Variants in RIMS1 observed in about 807,000 individuals in gnomAD.
RIMS1 encodes the protein regulating synaptic membrane exocytosis 1, also known as regulating synaptic membrane exocytosis protein 1.
In RIMS1, 83 loss-of-function variants were observed where a neutral mutation model predicts 214.1. The observed-to-expected ratio is 0.39, with a 90% confidence interval of 0.32 to 0.47. RIMS1 has a LOEUF of 0.47. Ranked by LOEUF, RIMS1 falls within the 20% of genes least tolerant of loss-of-function variation. RIMS1 has a pLI of 0.99. For synonymous variants in RIMS1, 793 were observed against 786.8 expected, an observed-to-expected ratio of 1.01 and a Z score of -0.13; for missense variants, 2,050 against 2,161.8, an observed-to-expected ratio of 0.95 and a Z score of 1.03.
At chr6:71,906,481 A>G (rs1350422130) in intron 1 of RIMS1, among the ~76,000 whole-genome samples, 7 of 152,202 alleles carry the variant, frequency 4.6e-5, no homozygotes, top group South Asian at 2.1e-4. Context: ...AATAATTTAA[A>G]TAAAGGTTAC....
chr6:72,391,659 C>T (rs2807521), intron 30 of RIMS1, among the ~76,000 whole-genome samples: 33,812 of 151,900 alleles, frequency 0.22, 4,004 homozygotes, highest in Middle Eastern at 0.3. Context: ...TGTGATATTC[C>T]TTCCCATTCC....
At chr6:72,371,409 T>C (rs1399244074) in intron 29 of RIMS1, among the ~76,000 whole-genome samples, 1 of 152,240 alleles carries the variant, frequency 6.6e-6, no homozygotes, top group Non-Finnish European at 1.5e-5. Flanking sequence ...GTAAGCAAAC[T>C]GTCATCCTGT....
intron 4 of RIMS1, among the ~76,000 whole-genome samples, chr6:72,110,370 T>C (rs2153818986): frequency 6.6e-6 from 1 of 152,154 alleles, no homozygotes; most frequent in South Asian, 2.1e-4. Flanking sequence ...TATCCTCTTT[T>C]ATTTCTTTGA....
rs1192038971 is a variant in RIMS1, at chr6:72,245,842, C to A, written c.2109C>A (p.Ser703=). Residue 703 remains serine (S), a synonymous_variant, in exon 11 of 34, where the codon TCC becomes TCA. Coordinates refer to ENST00000521978, the MANE Select transcript of RIMS1 (RefSeq NM_014989.7). Reference sequence around the variant, plus strand: ...ACATTCCCCGGATTCCTGAGAGCTCCCACCCTCCACTGGAGTCCAGTGAGT... The same window carrying A: ...ACATTCCCCGGATTCCTGAGAGCTCACACCCTCCACTGGAGTCCAGTGAGT... The part of the protein sequence containing the change: ...IGDIPRIPES[S]HPPLESSSSS... 6.2e-7 allele frequency: 1 copy of A among 1,608,008 alleles called. No homozygotes were observed. The highest frequency in any genetic ancestry group is 1.3e-5 in the African/African-American group (1 of 74,846).
chr6:72,391,512 T>TA (rs1179573383), intron 30 of RIMS1, among the ~76,000 whole-genome samples: 1 of 152,218 alleles, frequency 6.6e-6, no homozygotes, highest in African/African-American at 2.4e-5. Context: ...ATTCACCACA[T>TA]ATAAATTTTC....
At chr6:72,242,173 A>C (rs2067245552) in intron 9 of RIMS1, 141 bp from the exon 10 acceptor site, 1 of 636,236 alleles carries the variant, frequency 1.6e-6, no homozygotes, top group South Asian at 2.3e-5. Context: ...ATTATATGGC[A>C]ATCAATTTGC....
intron 27 of RIMS1, among the ~76,000 whole-genome samples, chr6:72,309,347 C>T (rs1329506970): frequency 1.3e-5 from 2 of 152,054 alleles, no homozygotes; most frequent in South Asian, 2.1e-4. Flanking sequence ...TACTCCAGCT[C>T]ACTTATTTAC....
At position 72,182,579 on chromosome 6, in the gene RIMS1, C is replaced by T; in HGVS notation, c.1108C>T (p.Pro370Ser). 6.5e-7 allele frequency: 1 copy of T among 1,549,486 alleles called. No individual in the cohort carries two copies. Among genetic ancestry groups the T allele is most frequent in the Middle Eastern group, 2.2e-4 (1 of 4,460 alleles). Residue 370 changes from proline to serine, a missense_variant, in exon 6 of 34, where the codon CCT (proline) becomes TCT (serine). Physicochemically the swap from Pro to Ser is moderately conservative, Grantham distance 74 (BLOSUM62 -1). Coordinates refer to ENST00000521978, the MANE Select transcript of RIMS1 (RefSeq NM_014989.7). ...NLARYPVKPPPEEQQMRMHAR... is the reference protein window; with the variant it reads ...NLARYPVKPPSEEQQMRMHAR... ...AGCTCGGTACCCGGTGAAACCGCCGCCTGAGGAGCAGCAGATGCGCATGCA... is the reference window on the plus strand; with the variant it reads ...AGCTCGGTACCCGGTGAAACCGCCGTCTGAGGAGCAGCAGATGCGCATGCA...
In RIMS1 at chr6:72,024,246, G is replaced by A. The variant is rs186383952; in HGVS notation, c.245+55183G>A. Among the ~76,000 whole-genome samples the A allele has an allele frequency of 3.3e-3, 495 of 151,932 alleles. 1 individual carries two copies. The highest frequency in any genetic ancestry group is 5.4e-3 in the Non-Finnish European group (364 of 67,926). ...TTCTTTGTTCCTCATTGTAATGTAT[G>A]CCCATCTTCTTCTGTTCCTAGGGTT... On this transcript the variant is annotated intron_variant, in intron 2 of 33. Coordinates refer to ENST00000521978, the MANE Select transcript of RIMS1 (RefSeq NM_014989.7).
chr6:71,987,516 T>C (rs1265030505), intron 2 of RIMS1, among the ~76,000 whole-genome samples: 2 of 152,114 alleles, frequency 1.3e-5, no homozygotes, highest in Non-Finnish European at 2.9e-5. Flanking sequence ...CCCAATACCA[T>C]CCCATTGGGT....
At chr6:72,090,158 C>T (rs1320186751) in intron 2 of RIMS1, among the ~76,000 whole-genome samples, 1 of 152,042 alleles carries the variant, frequency 6.6e-6, no homozygotes, top group East Asian at 1.9e-4. Context: ...TACCCTAAAA[C>T]TTAAAGTATA....
intron 1 of RIMS1, among the ~76,000 whole-genome samples, chr6:71,904,416 G>C (rs1774656656): frequency 6.6e-6 from 1 of 152,108 alleles, no homozygotes; most frequent in African/African-American, 2.4e-5. Context: ...AGACTAGCTG[G>C]AATATCTTGC....
At chr6:72,149,415 G>A (rs1260125785) in intron 4 of RIMS1, among the ~76,000 whole-genome samples, 9 of 152,142 alleles carry the variant, frequency 5.9e-5, no homozygotes, top group African/African-American at 2.2e-4. Context: ...CAACAATGAG[G>A]TGTTGCCTTG....
intron 2 of RIMS1, among the ~76,000 whole-genome samples, chr6:71,995,476 G>GTGTT (rs1803134695): frequency 6.6e-6 from 1 of 151,356 alleles, no homozygotes; most frequent in Admixed American, 6.6e-5. Context: ...GTGTGTGTGT[G>GTGTT]TGTGTGTATG....
intron 4 of RIMS1, among the ~76,000 whole-genome samples, chr6:72,157,019 A>G (rs2044528726): frequency 7.1e-6 from 1 of 140,762 alleles, no homozygotes; most frequent in African/African-American, 2.5e-5. Flanking sequence ...CAATTGGTCT[A>G]GTAGCACTGA....
At chr6:72,250,782 A>G (rs759406895) in intron 13 of RIMS1, 139 bp from the exon 14 acceptor site, 7 of 580,852 alleles carry the variant, frequency 1.2e-5, no homozygotes, top group Non-Finnish European at 1.8e-5. Context: ...GAATATTATT[A>G]AACTCTATTA....
At chr6:72,263,170 T>C in intron 19 of RIMS1, 3 of 984,830 alleles carry the variant, frequency 3.0e-6, no homozygotes, top group Non-Finnish European at 3.6e-6. Context: ...ACTGAAAGTG[T>C]CTACCTTGAA....
At chr6:72,247,742 T>C (rs1029519073) in intron 11 of RIMS1, among the ~76,000 whole-genome samples, 18 of 152,072 alleles carry the variant, frequency 1.2e-4, no homozygotes, top group Non-Finnish European at 2.6e-4. Context: ...AGCAGACCTT[T>C]ACCCATATGT....
At chr6:72,122,610 CT>C (rs1396835700) in intron 4 of RIMS1, among the ~76,000 whole-genome samples, 1 of 151,782 alleles carries the variant, frequency 6.6e-6, no homozygotes, top group African/African-American at 2.4e-5. Flanking sequence ...TGGTCCTGGA[CT>C]TTTTTTGGTT....
Sources: gnomAD v4.1 joint callset for allele counts (sites outside exome capture counted in the v4.1 genomes callset) on GRCh38, gnomAD v4.1.1 for gene constraint, MANE v1.5 for transcripts, NCBI Gene and HGNC (gene_info 2026-07-23, HGNC 2026-07-21) for gene names.